The following TRIM65 variants were observed in gnomAD, a reference collection of about 807,000 sequenced individuals.
TRIM65 encodes E3 ubiquitin-protein ligase TRIM65.
TRIM65 carries 46 observed loss-of-function variants against 36.1 expected under a neutral mutation model. The observed-to-expected ratio is 1.27, with a 90% confidence interval of 1.01 to 1.63. The LOEUF (loss-of-function observed/expected upper bound fraction) is 1.63, where lower values mean the gene tolerates loss of function less well. TRIM65 is among the 40% of genes most tolerant of loss of function. The pLI, the probability that TRIM65 is intolerant of heterozygous loss-of-function variation, is 0.00. For missense variants in TRIM65, 708 were observed against 696.6 expected, an observed-to-expected ratio of 1.02 and a Z score of -0.18; for synonymous variants, 346 against 313.6, an observed-to-expected ratio of 1.10 and a Z score of -1.09.
intron 5 of TRIM65, among the ~76,000 whole-genome samples, 161 bp downstream of exon 5, chr17:75,891,652 G>A (rs144502195): frequency 2.0e-5 from 3 of 152,278 alleles, no homozygotes; most frequent in Admixed American, 1.3e-4. Context: ...TGTGCAGCGG[G>A]TGGGACCAGG....
chr17:75,891,957 CG>C, intron 4 of TRIM65, 53 bp downstream of exon 4: 1 of 1,559,084 alleles, frequency 6.4e-7, no homozygotes, highest in Non-Finnish European at 8.7e-7. Flanking sequence ...ACCCCCCCAG[CG>C]GGAGGGGCAG....
downstream of TRIM65, among the ~76,000 whole-genome samples, chr17:75,887,281 T>G (rs1345459623): frequency 6.6e-6 from 1 of 150,990 alleles, no homozygotes; most frequent in Non-Finnish European, 1.5e-5. Flanking sequence ...GTCAGGAGTT[T>G]GAGACCAGCC....
Position 75,891,235 on chromosome 17 carries a change from G to C in TRIM65, c.1098C>G (p.Gly366=), listed in dbSNP as rs2065261279. ...CRQSRGPGGP[G]SFELWQVQCA... ...ATTGCACCTGCCAGAGCTCAAAGCT[G>C]CCGGGCCCGCCTGGGCCCCGGGACT... The change falls in exon 6 of 6, where the codon GGC becomes GGG. Residue 366 remains glycine, a synonymous_variant. Coordinates refer to ENST00000269383, the MANE Select transcript of TRIM65 (RefSeq NM_173547.4). 6.2e-7 allele frequency: 1 copy of C among 1,612,758 alleles called. No individual in the cohort carries two copies. The highest frequency in any genetic ancestry group is 8.5e-7 in the Non-Finnish European group (1 of 1,180,004).
intron 1 of TRIM65, 88 bp downstream of exon 1, chr17:75,896,436 G>C (rs986766694): frequency 1.6e-6 from 2 of 1,225,894 alleles, no homozygotes; most frequent in Non-Finnish European, 2.0e-6. Flanking sequence ...GGGTGCCCGA[G>C]AGAGCAGGGC....
In TRIM65 at chr17:75,892,076, C is replaced by A. The variant is rs1396073841; in HGVS notation, c.854G>T (p.Gly285Val). 1 of 1,552,108 alleles carries A rather than the reference C, an allele frequency of 6.4e-7. No homozygotes were observed. The highest frequency in any genetic ancestry group is 2.0e-5 in the Admixed American group (1 of 51,016). Residue 285 changes from glycine (G) to valine (V), a missense_variant, in exon 4 of 6, where the codon GGC becomes GTC. Physicochemically the swap from Gly to Val is moderately radical, Grantham distance 109. Coordinates refer to ENST00000269383, the MANE Select transcript of TRIM65 (RefSeq NM_173547.4). Reference sequence around the variant, plus strand: ...GTGGCTCCCCTCTTCCAAGAGGAGGCCACACAGCCGGCTTAGCAACTGCTT... The same window carrying A: ...GTGGCTCCCCTCTTCCAAGAGGAGGACACACAGCCGGCTTAGCAACTGCTT... ...DLKQLLSRLC[G>V]LLLEEGSHPG...
Position 75,896,521 on chromosome 17 carries a change from C to A in TRIM65, c.414+3G>T. 1 of 1,323,388 alleles carries A rather than the reference C, an allele frequency of 7.6e-7. No homozygotes were observed. Among genetic ancestry groups the A allele is most frequent in the Non-Finnish European group, 9.6e-7 (1 of 1,038,462 alleles). The allele number at this position is 1,323,388 out of a possible 1,614,324, so 82.0% of individuals were successfully genotyped here. On this transcript the variant is annotated splice_donor_region_variant and intron_variant, in intron 1 of 5. Coordinates refer to ENST00000269383, the MANE Select transcript of TRIM65 (RefSeq NM_173547.4). Reference sequence around the variant, plus strand: ...CCCCTCCCGCTCCCGGCGGATGCGTCACCTCGCGCTTGAGGCGCTCGGCAT... The same window carrying A: ...CCCCTCCCGCTCCCGGCGGATGCGTAACCTCGCGCTTGAGGCGCTCGGCAT...
intron 4 of TRIM65, among the ~76,000 whole-genome samples, chr17:75,882,069 G>T (rs1054095875): frequency 6.6e-6 from 1 of 150,528 alleles, no homozygotes; most frequent in Non-Finnish European, 1.5e-5. Flanking sequence ...GTTCTGGAAG[G>T]AGGGGGTGCC....
At position 75,892,203 on chromosome 17, in the gene TRIM65, CAAGT is replaced by C. The variant is rs1340775251; in HGVS notation, c.745-22_745-19del. On this transcript the variant is annotated intron_variant, in intron 3 of 5. Transcript: ENST00000269383. ...TGCGATTCCTGAGCCCCAGGGAGAACAAGTAAGCCTGGGCCTGAGGGGCAGGGAA... is the reference window on the plus strand; with the variant it reads ...TGCGATTCCTGAGCCCCAGGGAGAACAAGCCTGGGCCTGAGGGGCAGGGAA... 1.9e-6 allele frequency: 3 copies of C among 1,578,784 alleles called. No individual in the cohort carries two copies. The highest frequency in any genetic ancestry group is 3.7e-5 in the Admixed American group (2 of 53,834).
At chr17:75,892,639 TGCCCAGCTCCCTGCTCA>T in intron 2 of TRIM65, 99 bp downstream of exon 2, 1 of 1,237,584 alleles carries the variant, frequency 8.1e-7, no homozygotes, top group Non-Finnish European at 1.1e-6. Context: ...AGGACCCCTG[TGCCCAGCTCCCTGCTCA>T]GCCCCGCTCC....
Position 75,891,308 on chromosome 17 carries a change from C to A in TRIM65, c.1025G>T (p.Arg342Leu). ...GTCCTGGCGCGACAGATAGAAGTGA[C>A]GGTTGGCGCTGACTGGATCAAAGGT... Reference protein sequence around the residue: ...NLTFDPVSANRHFYLSRQDQQ... With the variant: ...NLTFDPVSANLHFYLSRQDQQ... Residue 342 changes from arginine to leucine, a missense_variant, in exon 6 of 6, where the codon CGT becomes CTT. Transcript: ENST00000269383. 1 of 1,613,230 alleles carries A rather than the reference C, an allele frequency of 6.2e-7. No homozygotes were observed. The highest frequency in any genetic ancestry group is 8.5e-7 in the Non-Finnish European group (1 of 1,180,002).
intron 1 of TRIM65, 82 bp from the exon 2 acceptor site, chr17:75,892,932 C>A: frequency 7.9e-7 from 1 of 1,265,284 alleles, no homozygotes; most frequent in Admixed American, 1.9e-5. Context: ...CCAACCATGC[C>A]TGCAGACACC....
downstream of TRIM65, among the ~76,000 whole-genome samples, chr17:75,886,382 C>T (rs1029105043): frequency 1.4e-4 from 22 of 151,902 alleles, no homozygotes; most frequent in African/African-American, 9.7e-5. Flanking sequence ...ACTAGCCGGG[C>T]GTGGTGGCGG....
At chr17:75,888,364 A>C (rs565473504), downstream of TRIM65, among the ~76,000 whole-genome samples, 6 of 116,344 alleles carry the variant, frequency 5.2e-5, no homozygotes, top group East Asian at 1.4e-3. Context: ...AAAAAAAAAA[A>C]GAAAGAAAGA....
downstream of TRIM65, among the ~76,000 whole-genome samples, chr17:75,887,760 G>A (rs1420096295): frequency 3.3e-5 from 5 of 152,120 alleles, no homozygotes; most frequent in Admixed American, 6.5e-5. Context: ...GGCGACTCAC[G>A]CCTGTAATCC....
downstream of TRIM65, among the ~76,000 whole-genome samples, chr17:75,884,209 G>A (rs575267125): frequency 2.6e-5 from 4 of 152,206 alleles, no homozygotes; most frequent in East Asian, 7.8e-4. Context: ...TGTAATCCCA[G>A]CACTTTGGGA....
At chr17:75,896,417 G>A in intron 1 of TRIM65, 107 bp downstream of exon 1, 4 of 1,218,268 alleles carry the variant, frequency 3.3e-6, no homozygotes, top group Non-Finnish European at 4.1e-6. Flanking sequence ...GAGGCTCCCC[G>A]CCCCCGCCGG....
rs925463971 is a variant in TRIM65, at chr17:75,882,319, T to C, written c.350-1690A>G. 1.9e-4 allele frequency among the ~76,000 whole-genome samples: 28 copies of C among 150,726 alleles called. 1 individual carries two copies. Among genetic ancestry groups the C allele is most frequent in the African/African-American group, 6.2e-4 (25 of 40,052 alleles). ...ACCTTCTGGGTTCAAGCGATTCTCCTGCTTCAGCCTCCCCAGTAGCTGGGA... is the reference window on the plus strand; with the variant it reads ...ACCTTCTGGGTTCAAGCGATTCTCCCGCTTCAGCCTCCCCAGTAGCTGGGA... On this transcript the variant is annotated intron_variant, in intron 4 of 4. Transcript: ENST00000591668.
At chr17:75,882,575 T>C (rs1335922925) in intron 4 of TRIM65, among the ~76,000 whole-genome samples, 1 of 150,602 alleles carries the variant, frequency 6.6e-6, no homozygotes, top group East Asian at 1.9e-4. Context: ...ATTAGTTCAC[T>C]TCAAAATGAA....
intron 4 of TRIM65, among the ~76,000 whole-genome samples, chr17:75,883,660 TG>T (rs1246035907): frequency 6.6e-6 from 1 of 150,862 alleles, no homozygotes; most frequent in Non-Finnish European, 1.5e-5. Context: ...CCCGAGTAGC[TG>T]GGACTACAGG....
Sources: gnomAD v4.1 joint callset for allele counts (sites outside exome capture counted in the v4.1 genomes callset) on GRCh38, gnomAD v4.1.1 for gene constraint, MANE v1.5 for transcripts, NCBI Gene and HGNC (gene_info 2026-07-23, HGNC 2026-07-21) for gene names.